FAM120A: variants seen among roughly 807,000 people sequenced by gnomAD.
FAM120A encodes constitutive coactivator of PPAR-gamma-like protein 1.
Under a neutral mutation model 109.7 loss-of-function variants are expected in FAM120A, and 15 were observed. The ratio of observed to expected loss-of-function variants is 0.14; its 90% CI spans 0.09 to 0.21. The LOEUF (loss-of-function observed/expected upper bound fraction) is 0.21, where lower values mean the gene tolerates loss of function less well. FAM120A is among the 10% of genes least tolerant of loss of function. FAM120A has a pLI of 1.00. For missense variants in FAM120A, 899 were observed against 1,439.3 expected, an observed-to-expected ratio of 0.62 and a Z score of 6.07; for synonymous variants, 493 against 572.8, an observed-to-expected ratio of 0.86 and a Z score of 1.99.
At chr9:93,484,038 CT>C (rs202025202) in intron 3 of FAM120A, among the ~76,000 whole-genome samples, 1,444 of 143,828 alleles carry the variant, frequency 0.01, 10 homozygotes, top group African/African-American at 0.025. Flanking sequence ...CTGTGTCTCT[CT>C]TTTTTTTTTT....
intron 14 of FAM120A, 95 bp downstream of exon 14, chr9:93,558,105 C>T (rs928178736): frequency 1.6e-6 from 2 of 1,278,904 alleles, no homozygotes; most frequent in Middle Eastern, 2.8e-4. Context: ...GCTGTGTTGA[C>T]CTTGTCACTG....
chr9:93,525,848 T>C (rs143012595), intron 7 of FAM120A, among the ~76,000 whole-genome samples: 2 of 152,354 alleles, frequency 1.3e-5, no homozygotes, highest in African/African-American at 2.4e-5. Context: ...CCAAGCTCCA[T>C]GAAGACCGGG....
At chr9:93,557,030 T>C (rs757256171) in intron 13 of FAM120A, among the ~76,000 whole-genome samples, 2 of 152,260 alleles carry the variant, frequency 1.3e-5, no homozygotes, top group Non-Finnish European at 2.9e-5. Flanking sequence ...ACGTATATTC[T>C]CTGTAAGGCA....
chr9:93,557,640 C>CT (rs1294557491), intron 13 of FAM120A, among the ~76,000 whole-genome samples, 187 bp from the exon 14 acceptor site: 1 of 152,228 alleles, frequency 6.6e-6, no homozygotes, highest in African/African-American at 2.4e-5. Context: ...GACCAGAAAA[C>CT]TGCCATAAGT....
rs1022528162 is a variant in FAM120A at position 93,455,774 on chromosome 9, T to C, written c.474+3385T>C. ...ACCTCCTGGGTTCAAGCGATTCTCC[T>C]ACCTCAGCCTCCCTAGTAGCTGGGA... On this transcript the variant is annotated intron_variant, in intron 1 of 17. Coordinates refer to ENST00000277165, the MANE Select transcript of FAM120A (RefSeq NM_014612.5). Among the ~76,000 whole-genome samples, 66 of 152,066 alleles carry C rather than the reference T, an allele frequency of 4.3e-4. 1 individual carries two copies. Among genetic ancestry groups the C allele is most frequent in the Admixed American group, 4.2e-3 (64 of 15,282 alleles).
intron 2 of FAM120A, among the ~76,000 whole-genome samples, chr9:93,474,757 C>A (rs1407057092): frequency 6.6e-6 from 1 of 152,078 alleles, no homozygotes; most frequent in African/African-American, 2.4e-5. Flanking sequence ...CCACTCCCTG[C>A]TAATTTTTTG....
Position 93,497,604 on chromosome 9 carries a change from A to G in FAM120A, c.933+5A>G. 1 of 1,590,936 alleles carries G rather than the reference A, an allele frequency of 6.3e-7. No individual in the cohort carries two copies. The highest frequency in any genetic ancestry group is 8.5e-7 in the Non-Finnish European group (1 of 1,172,810). On this transcript the variant is annotated splice_donor_5th_base_variant and intron_variant, in intron 4 of 17. Coordinates refer to ENST00000277165, the MANE Select transcript of FAM120A (RefSeq NM_014612.5). ...GATGTTTTCCAGCATTCACAGGTAA[A>G]AAAAAAAACAAACAAAACAAAAAAA...
At chr9:93,516,309 A>G (rs1342894452) in intron 7 of FAM120A, 40 bp downstream of exon 7, 9 of 1,596,334 alleles carry the variant, frequency 5.6e-6, no homozygotes, top group Non-Finnish European at 7.7e-6. Context: ...CCTGGCGGGT[A>G]GTGACCTGGG....
Position 93,561,104 on chromosome 9 carries a change from T to C in FAM120A, c.2807-5T>C. Reference sequence around the variant, plus strand: ...ATTTTGTCTTTTTGTATATTTTTTATGCAGGAGTCCAACCTATACCTTCTC... The same window carrying C: ...ATTTTGTCTTTTTGTATATTTTTTACGCAGGAGTCCAACCTATACCTTCTC... On this transcript the variant is annotated splice_region_variant and splice_polypyrimidine_tract_variant and intron_variant, in intron 15 of 17. Transcript: ENST00000277165. 6.2e-7 allele frequency: 1 copy of C among 1,612,960 alleles called. No individual in the cohort carries two copies. Among genetic ancestry groups the C allele is most frequent in the Non-Finnish European group, 8.5e-7 (1 of 1,179,742 alleles).
chr9:93,512,630 C>T (rs956741592), intron 5 of FAM120A, among the ~76,000 whole-genome samples: 9 of 151,982 alleles, frequency 5.9e-5, no homozygotes, highest in African/African-American at 2.2e-4. Context: ...AGCCCCGTGT[C>T]CCTTCTGAGA....
Position 93,452,972 on chromosome 9 carries a change from G to T in FAM120A, c.474+583G>T. 1 of 1,357,532 alleles carries T rather than the reference G, an allele frequency of 7.4e-7. No homozygotes were observed. The highest frequency in any genetic ancestry group is 9.5e-7 in the Non-Finnish European group (1 of 1,057,852). The allele number at this position is 1,357,532 out of a possible 1,614,324, so 84.1% of individuals were successfully genotyped here. A position where few individuals can be genotyped will look rare whatever the true frequency, so the allele number is the denominator to read the frequency against. On this transcript the variant is annotated intron_variant, in intron 1 of 17. Transcript: ENST00000277165. The surrounding 1 kb of genome is among the most constrained non-coding windows in gnomAD (Gnocchi z 7.0). ...CCTCTACTTCAGAACGCAGTGCCCT[G>T]TCCGTGTTCCTCTTAGTACAGGGTG... is the stretch of plus-strand genomic sequence containing the variant.
At chr9:93,531,462 A>G (rs1159693050) in intron 9 of FAM120A, 1 of 152,254 alleles carries the variant, frequency 6.6e-6, no homozygotes, top group African/African-American at 2.4e-5. Context: ...AATTTTGGCA[A>G]CAATCTTAGC....
rs143807126 is a variant in FAM120A at position 93,479,872 on chromosome 9, G to T, written c.804+3534G>T. ...GTGAAGTCCTCCCTGACTGTCCACA[G>T]CCCTGGTTGTGTTGAAAGAATAGCA... On this transcript the variant is annotated intron_variant, in intron 3 of 17. Transcript: ENST00000277165. 1.7e-3 allele frequency among the ~76,000 whole-genome samples: 257 copies of T among 152,314 alleles called. 1 individual carries two copies. The highest frequency in any genetic ancestry group is 3.1e-3 in the Non-Finnish European group (208 of 68,024).
At chr9:93,516,985 C>T (rs1354763062) in intron 7 of FAM120A, among the ~76,000 whole-genome samples, 1 of 152,164 alleles carries the variant, frequency 6.6e-6, no homozygotes, top group African/African-American at 2.4e-5. Context: ...CTCTACTTTA[C>T]AGCGCAGATA....
At position 93,451,705 on chromosome 9, in the gene FAM120A, A is replaced by G. The variant is rs1857217004; in HGVS notation, c.-211A>G. The G allele has an allele frequency of 5.2e-6, 5 of 970,514 alleles. No individual in the cohort carries two copies. The highest frequency in any genetic ancestry group is 1.4e-4 in the Admixed American group (2 of 14,530). 60.1% of individuals were successfully genotyped at this position (970,514 alleles called of 1,614,324 possible). On this transcript the variant is annotated 5_prime_UTR_variant, in exon 1 of 18. Transcript: ENST00000277165. ...TCGGCCTCGGCCTCGCAGCGGCGGC[A>G]GCGGCGGCGGCGGCAGGTCCCTCCC...
rs376330227 is a variant in FAM120A, at chr9:93,501,112, C to G, written c.1030+2226C>G. 3.3e-5 allele frequency among the ~76,000 whole-genome samples: 5 copies of G among 152,248 alleles called. No homozygotes were observed. The East Asian group carries it at 9.7e-4, about 29-fold the overall frequency. On this transcript the variant is annotated intron_variant, in intron 5 of 17. Transcript: ENST00000277165. ...ATGAGCAGTGAGGAGCCTGAAGGAG[C>G]GCTCAGAGGTGGGGCCGGCAGTCTC...
At chr9:93,527,684 G>A (rs999311884) in intron 8 of FAM120A, among the ~76,000 whole-genome samples, 5 of 139,424 alleles carry the variant, frequency 3.6e-5, no homozygotes, top group African/African-American at 8.0e-5. Context: ...GTACAGTGGC[G>A]TGATCTCAGC....
intron 17 of FAM120A, among the ~76,000 whole-genome samples, chr9:93,563,555 C>A (rs565060822): frequency 6.6e-6 from 1 of 152,174 alleles, no homozygotes. Flanking sequence ...ACAGAGCCAG[C>A]GTATCATATG....
chr9:93,547,216 G>C (rs142704246), intron 11 of FAM120A, among the ~76,000 whole-genome samples: 1 of 152,314 alleles, frequency 6.6e-6, no homozygotes, highest in Non-Finnish European at 1.5e-5. Context: ...AAAAGCAGCA[G>C]CTTATGTTCT....
Sources: gnomAD v4.1 joint callset for allele counts (sites outside exome capture counted in the v4.1 genomes callset) on GRCh38, gnomAD v4.1.1 for gene constraint, Gnocchi (gnomAD v3.1) non-coding constraint, MANE v1.5 for transcripts, NCBI Gene and HGNC (gene_info 2026-07-23, HGNC 2026-07-21) for gene names.